SGSM1: variants seen among roughly 807,000 people sequenced by gnomAD.
The protein encoded by SGSM1 is RUN and TBC1 domain containing 2.
Under a neutral mutation model 133.8 loss-of-function variants are expected in SGSM1, and 73 were observed. The observed-to-expected ratio is 0.55, with a 90% confidence interval of 0.45 to 0.66. The LOEUF (loss-of-function observed/expected upper bound fraction) is 0.66, where lower values mean the gene tolerates loss of function less well. Ranked by LOEUF, SGSM1 falls within the 30% of genes least tolerant of loss-of-function variation. The pLI is 0.00. For missense variants in SGSM1, 1,213 were observed against 1,448.1 expected, an observed-to-expected ratio of 0.84 and a Z score of 2.64; for synonymous variants, 563 against 573.0, an observed-to-expected ratio of 0.98 and a Z score of 0.25.
chr22:24,860,897 TAAAAAAAAA>T (rs554853690), intron 9 of SGSM1, among the ~76,000 whole-genome samples: 39 of 43,868 alleles, frequency 8.9e-4, no homozygotes, highest in East Asian at 3.8e-3. Context: ...GAGACTGTCT[TAAAAAAAAA>T]AAAAAAAAAA....
At chr22:24,857,898 A>G (rs730851) in intron 8 of SGSM1, among the ~76,000 whole-genome samples, 13,219 of 152,262 alleles carry the variant, frequency 0.087, 771 homozygotes, top group South Asian at 0.22. Flanking sequence ...TTTACACAAA[A>G]TGTTTGGTGG....
intron 12 of SGSM1, among the ~76,000 whole-genome samples, chr22:24,871,480 G>T (rs1317982080): frequency 6.6e-6 from 1 of 152,136 alleles, no homozygotes; most frequent in Non-Finnish European, 1.5e-5. Flanking sequence ...TGTCTTGAGT[G>T]CCACTGTGTG....
intron 5 of SGSM1, 70 bp downstream of exon 5, chr22:24,850,502 C>T: frequency 6.4e-7 from 1 of 1,573,288 alleles, no homozygotes; most frequent in South Asian, 1.2e-5. Context: ...AAATTGCACC[C>T]CCTGGCACAA....
chr22:24,881,976 G>A (rs149754648), intron 14 of SGSM1, among the ~76,000 whole-genome samples: 1 of 152,242 alleles, frequency 6.6e-6, no homozygotes, highest in East Asian at 1.9e-4. Flanking sequence ...AAGCAAACTT[G>A]ATGCCCTGTC....
intron 9 of SGSM1, among the ~76,000 whole-genome samples, chr22:24,861,223 G>C (rs1335234186): frequency 6.6e-6 from 1 of 150,434 alleles, no homozygotes; most frequent in African/African-American, 2.4e-5. Context: ...CATGGTGGCG[G>C]GCACCTGTAA....
chr22:24,915,072 C>G (rs1003321533), intron 22 of SGSM1, among the ~76,000 whole-genome samples: 4 of 152,026 alleles, frequency 2.6e-5, no homozygotes, highest in Admixed American at 6.6e-5. Context: ...ACTAAAAATA[C>G]GAAGAAATTA....
At chr22:24,882,959 G>A (rs1280564953) in intron 14 of SGSM1, among the ~76,000 whole-genome samples, 2 of 150,742 alleles carry the variant, frequency 1.3e-5, no homozygotes, top group Non-Finnish European at 2.9e-5. Context: ...GTGCAGTGGC[G>A]CGATCTCAGC....
chr22:24,919,505 C>T (rs1046680017), intron 23 of SGSM1, among the ~76,000 whole-genome samples: 1 of 152,130 alleles, frequency 6.6e-6, no homozygotes, highest in East Asian at 1.9e-4. Context: ...TGTCAAAGGG[C>T]AGGGCAAGGA....
intron 8 of SGSM1, among the ~76,000 whole-genome samples, chr22:24,858,680 G>C (rs1429024109): frequency 6.6e-6 from 1 of 151,200 alleles, no homozygotes; most frequent in East Asian, 1.9e-4. Flanking sequence ...CTGGACTTGT[G>C]GGCTTCCCTG....
At chr22:24,847,316 G>C (rs943807266) in intron 3 of SGSM1, among the ~76,000 whole-genome samples, 2 of 152,140 alleles carry the variant, frequency 1.3e-5, no homozygotes, top group African/African-American at 4.8e-5. Context: ...GTCAAGCTAT[G>C]CCCCCTGAGA....
chr22:24,893,640 G>A lies in SGSM1; in HGVS notation c.1953+27G>A, dbSNP rs755611804. On this transcript the variant is annotated intron_variant, in intron 17 of 24. Coordinates refer to ENST00000400358, the MANE Select transcript of SGSM1 (RefSeq NM_001098497.3). ...TGATGGGCGGCTGGCCTCGGGGAGCGCGGGGGCTGGGGAAGGTCAGGGTCT... is the reference window on the plus strand; with the variant it reads ...TGATGGGCGGCTGGCCTCGGGGAGCACGGGGGCTGGGGAAGGTCAGGGTCT... 2.9e-5 allele frequency: 45 copies of A among 1,531,538 alleles called. 1 individual carries two copies. Among genetic ancestry groups the A allele is most frequent in the Admixed American group, 1.6e-4 (8 of 49,860 alleles). 94.9% of individuals were successfully genotyped at this position (1,531,538 alleles called of 1,614,324 possible). A position where few individuals can be genotyped will look rare whatever the true frequency, so the allele number is the denominator to read the frequency against.
At chr22:24,869,744 C>G (rs2147876422) in intron 12 of SGSM1, among the ~76,000 whole-genome samples, 1 of 152,262 alleles carries the variant, frequency 6.6e-6, no homozygotes, top group Non-Finnish European at 1.5e-5. Flanking sequence ...AAGCAGAGCA[C>G]CAGGCACTGG....
At chr22:24,813,356 G>T (rs1465543617) in intron 2 of SGSM1, among the ~76,000 whole-genome samples, 1 of 152,158 alleles carries the variant, frequency 6.6e-6, no homozygotes, top group African/African-American at 2.4e-5. Context: ...GGCAAGTTTT[G>T]GGGACAAGTT....
intron 24 of SGSM1, among the ~76,000 whole-genome samples, chr22:24,922,765 C>T (rs935282376): frequency 8.5e-5 from 13 of 152,278 alleles, no homozygotes; most frequent in Admixed American, 2.6e-4. Context: ...CGTGAGCCAC[C>T]GGGCCTGGCC....
intron 12 of SGSM1, among the ~76,000 whole-genome samples, chr22:24,875,651 AAAAG>A (rs895473508): frequency 1.1e-4 from 17 of 152,066 alleles, no homozygotes; most frequent in African/African-American, 1.7e-4. Context: ...GAAAAAAAAA[AAAAG>A]AAAGAAAGAA....
rs545920918 is a variant in SGSM1 at position 24,841,056 on chromosome 22, T to C, written c.64-3841T>C. 7.4e-4 allele frequency among the ~76,000 whole-genome samples: 112 copies of C among 152,134 alleles called. 2 individuals carry two copies. In the East Asian group the frequency reaches 0.018, roughly 25 times the overall value. The stretch of plus-strand genomic sequence containing the variant: ...TAGTAGAGACGGGGTTTCACCGTGT[T>C]AGCCAAGATGGTCTCGATCTCCTGA... On this transcript the variant is annotated intron_variant, in intron 2 of 24. Transcript: ENST00000400358.
chr22:24,924,080 C>T (rs1934106409), intron 24 of SGSM1, 106 bp from the exon 25 acceptor site: 1 of 960,142 alleles, frequency 1.0e-6, no homozygotes, highest in South Asian at 1.4e-5. Context: ...CTTCCTGAGT[C>T]AATCTGTGAT....
chr22:24,857,506 G>A (rs1930875006), intron 8 of SGSM1, among the ~76,000 whole-genome samples: 2 of 150,990 alleles, frequency 1.3e-5, no homozygotes, highest in South Asian at 2.1e-4. Context: ...TATGCTTTTT[G>A]AAAGAGGTCT....
intron 9 of SGSM1, 71 bp downstream of exon 9, chr22:24,859,911 G>C (rs548575058): frequency 2.5e-6 from 4 of 1,585,044 alleles, no homozygotes; most frequent in South Asian, 1.1e-5. Flanking sequence ...GTTCCTCCCC[G>C]GGGGAGGGGA....
Sources: allele counts gnomAD v4.1 joint callset (sites outside exome capture counted in the v4.1 genomes callset), GRCh38; gene constraint gnomAD v4.1.1; transcripts MANE v1.5; gene names NCBI Gene and HGNC (gene_info 2026-07-23, HGNC 2026-07-21).